INPP5A: variants seen among roughly 807,000 people sequenced by gnomAD.
INPP5A encodes the protein inositol polyphosphate-5-phosphatase A.
A neutral mutation model predicts 65.2 loss-of-function variants in INPP5A; 14 were observed. The ratio of observed to expected loss-of-function variants is 0.21; its 90% CI spans 0.14 to 0.34. INPP5A has a LOEUF of 0.34. Among genes scored for constraint, INPP5A ranks in the 10% least tolerant of loss-of-function variants. The probability of loss-of-function intolerance (pLI) is 1.00; values close to 1 mark genes in which losing one functional copy is unlikely to be tolerated. For synonymous variants in INPP5A, 207 were observed against 208.3 expected (o/e 0.99, Z 0.05); for missense variants, 431 against 545.6 (o/e 0.79, Z 2.09).
intron 2 of INPP5A, among the ~76,000 whole-genome samples, chr10:132,632,970 G>A (rs1291911717): frequency 2.0e-5 from 3 of 152,202 alleles, no homozygotes; most frequent in East Asian, 3.9e-4. Flanking sequence ...CCAGGGCCTC[G>A]CCTGGAGAGC....
intron 1 of INPP5A, among the ~76,000 whole-genome samples, chr10:132,565,489 G>A (rs1254457163): frequency 6.6e-6 from 1 of 152,202 alleles, no homozygotes; most frequent in African/African-American, 2.4e-5. Flanking sequence ...TCCAGGCCGA[G>A]GCATTACCTT....
intron 3 of INPP5A, among the ~76,000 whole-genome samples, chr10:132,646,760 A>ACTCTGTGGGCCGACGCCGCTGCCACG (rs1189211056): frequency 9.9e-5 from 15 of 152,016 alleles, no homozygotes; most frequent in African/African-American, 2.7e-4. Context: ...AAGCTGCCAC[A>ACTCTGTGGGCCGACGCCGCTGCCACG]CTCTGTGGGC....
In INPP5A at chr10:132,546,490, C is replaced by T. The variant is rs2133247121; in HGVS notation, c.75+8319C>T. The stretch of plus-strand genomic sequence containing the variant: ...TCTCTCCGACAGGAGTGTGAGACTC[C>T]TCTTCAGGGGTTGCTGGGGACCAGC... On this transcript the variant is annotated intron_variant, in intron 1 of 15. Coordinates refer to ENST00000368594, the MANE Select transcript of INPP5A (RefSeq NM_005539.5). This position sits in a 1 kb window ranked among gnomAD's most constrained non-coding sequence, Gnocchi z 5.7. 6.6e-6 allele frequency among the ~76,000 whole-genome samples: 1 copy of T among 152,214 alleles called. No homozygotes were observed. The highest frequency in any genetic ancestry group is 6.5e-5 in the Admixed American group (1 of 15,304).
chr10:132,728,537 G>C (rs112961368), intron 9 of INPP5A, among the ~76,000 whole-genome samples: 1 of 152,236 alleles, frequency 6.6e-6, no homozygotes, highest in African/African-American at 2.4e-5. Flanking sequence ...CGGCATTTCC[G>C]GCAGGTCTGG....
chr10:132,703,050 C>T (rs994748110), intron 6 of INPP5A, among the ~76,000 whole-genome samples: 1 of 152,156 alleles, frequency 6.6e-6, no homozygotes. Context: ...CCCTCCCTCC[C>T]GTTGGGTGCC....
chr10:132,646,085 T>C, intron 3 of INPP5A, 117 bp downstream of exon 3: 1 of 680,910 alleles, frequency 1.5e-6, no homozygotes, highest in Non-Finnish European at 2.6e-6. Context: ...CACCTGGGGG[T>C]CATCTTGGCT....
intron 1 of INPP5A, among the ~76,000 whole-genome samples, chr10:132,579,294 A>C (rs570955900): frequency 1.1e-3 from 174 of 152,144 alleles, no homozygotes; most frequent in African/African-American, 4.0e-3. Flanking sequence ...CTGGGGCTGC[A>C]GCTGTGGGTG....
At chr10:132,719,783 G>A (rs573874136) in intron 8 of INPP5A, among the ~76,000 whole-genome samples, 1 of 151,214 alleles carries the variant, frequency 6.6e-6, no homozygotes, top group African/African-American at 2.4e-5. Flanking sequence ...TTAGACGGCT[G>A]TCTTGTGGGT....
Position 132,782,053 on chromosome 10 carries a change from C to G in INPP5A, c.*24C>G. The G allele has an allele frequency of 6.4e-7, 1 of 1,574,030 alleles. No individual in the cohort carries two copies. Among genetic ancestry groups the G allele is most frequent in the Non-Finnish European group, 8.6e-7 (1 of 1,157,058 alleles). On this transcript the variant is annotated 3_prime_UTR_variant, in exon 16 of 16. Transcript: ENST00000368594. This position sits in a 1 kb window ranked among gnomAD's most constrained non-coding sequence, Gnocchi z 4.4. Reference sequence around the variant, plus strand: ...CCGTGACAGGGAAGAGATGCCAGCGCCACGAGAGGACACTTCGTGAGCCTC... The same window carrying G: ...CCGTGACAGGGAAGAGATGCCAGCGGCACGAGAGGACACTTCGTGAGCCTC...
In INPP5A at chr10:132,575,654, C is replaced by T. The variant is rs886866611; in HGVS notation, c.76-32261C>T. 2.0e-5 allele frequency among the ~76,000 whole-genome samples: 3 copies of T among 152,148 alleles called. No individual in the cohort carries two copies. The highest frequency in any genetic ancestry group is 7.2e-5 in the African/African-American group (3 of 41,434). ...AATCCGTAAACAGTGTTTATCTTGG[C>T]GAGGAGGAATCCTGCACCAGCTTAG... On this transcript the variant is annotated intron_variant, in intron 1 of 15. Coordinates refer to ENST00000368594, the MANE Select transcript of INPP5A (RefSeq NM_005539.5). This position sits in a 1 kb window ranked among gnomAD's most constrained non-coding sequence, Gnocchi z 5.4.
intron 5 of INPP5A, among the ~76,000 whole-genome samples, chr10:132,695,622 C>T (rs1053065787): frequency 3.9e-5 from 6 of 152,280 alleles, no homozygotes; most frequent in Non-Finnish European, 8.8e-5. Flanking sequence ...AACAGACAAA[C>T]CTGGTACCAG....
intron 9 of INPP5A, among the ~76,000 whole-genome samples, chr10:132,734,366 G>A (rs1846139721): frequency 6.6e-6 from 1 of 152,248 alleles, no homozygotes; most frequent in Non-Finnish European, 1.5e-5. Flanking sequence ...TCCTCGTACA[G>A]CTTTCATTTT....
At chr10:132,708,699 T>C (rs3750577) in intron 7 of INPP5A, among the ~76,000 whole-genome samples, 59,752 of 152,136 alleles carry the variant, frequency 0.39, 13,094 homozygotes, top group African/African-American at 0.6. Context: ...ACTGGGGCCC[T>C]GTGGCTGCCC....
At chr10:132,577,467 G>T (rs1454288422) in intron 1 of INPP5A, among the ~76,000 whole-genome samples, 2 of 152,248 alleles carry the variant, frequency 1.3e-5, no homozygotes, top group African/African-American at 4.8e-5. Flanking sequence ...CCGGCCCCGG[G>T]CCAGGGAACG....
intron 1 of INPP5A, among the ~76,000 whole-genome samples, chr10:132,552,312 C>T (rs1001831226): frequency 6.8e-6 from 1 of 146,044 alleles, no homozygotes; most frequent in African/African-American, 2.6e-5. Context: ...TTCTCAGAGC[C>T]TTGGTGGCAT....
Position 132,697,983 on chromosome 10 carries a change from T to C in INPP5A, c.474+64T>C, listed in dbSNP as rs531670645. On this transcript the variant is annotated intron_variant, in intron 6 of 15. Transcript: ENST00000368594. The surrounding 1 kb of genome is among the most constrained non-coding windows in gnomAD (Gnocchi z 5.6). ...CAGAGTGAGCCAGTCAGAAGTGACA[T>C]GGAACACGGAATTTTCGCATTGCAC... 2.4e-4 allele frequency: 255 copies of C among 1,084,658 alleles called. 1 individual carries two copies. The highest frequency in any genetic ancestry group is 3.4e-4 in the Non-Finnish European group (239 of 710,428). 67.2% of individuals were successfully genotyped at this position (1,084,658 alleles called of 1,614,324 possible). A position where few individuals can be genotyped will look rare whatever the true frequency, so the allele number is the denominator to read the frequency against.
intron 8 of INPP5A, among the ~76,000 whole-genome samples, chr10:132,711,459 G>C (rs182842165): frequency 2.7e-5 from 4 of 148,228 alleles, no homozygotes; most frequent in Admixed American, 1.4e-4. Flanking sequence ...TGCTCCGTCA[G>C]CTTGGGCTTG....
chr10:132,714,394 C>T (rs1377821834), intron 8 of INPP5A, among the ~76,000 whole-genome samples: 1 of 152,222 alleles, frequency 6.6e-6, no homozygotes, highest in Non-Finnish European at 1.5e-5. Context: ...TTCTGCTGTG[C>T]GGATCGGGCA....
At chr10:132,718,731 C>T (rs1423514147) in intron 8 of INPP5A, among the ~76,000 whole-genome samples, 2 of 150,120 alleles carry the variant, frequency 1.3e-5, no homozygotes, top group African/African-American at 4.9e-5. Flanking sequence ...TCTGTGGTAC[C>T]TGGGTTCTGT....
Sources: gnomAD v4.1 joint callset for allele counts (sites outside exome capture counted in the v4.1 genomes callset) on GRCh38, gnomAD v4.1.1 for gene constraint, Gnocchi (gnomAD v3.1) non-coding constraint, MANE v1.5 for transcripts, NCBI Gene and HGNC (gene_info 2026-07-23, HGNC 2026-07-21) for gene names.